TIAM1: variants seen among roughly 807,000 people sequenced by gnomAD.
The protein encoded by TIAM1 is TIAM Rac1 associated GEF 1, also known as rho guanine nucleotide exchange factor TIAM1.
TIAM1 carries 65 observed loss-of-function variants against 163.5 expected under a neutral mutation model. That is an observed-to-expected ratio of 0.40 (90% CI 0.33 to 0.49). The LOEUF is 0.49. Among genes scored for constraint, TIAM1 ranks in the 20% least tolerant of loss-of-function variants. The pLI is 0.77. For missense variants in TIAM1, 1,789 were observed against 2,044.7 expected (o/e 0.87, Z 2.41); for synonymous variants, 833 against 810.1 (o/e 1.03, Z -0.48).
chr21:31,412,809 G>A (rs964333019), intron 2 of TIAM1, among the ~76,000 whole-genome samples: 6 of 139,032 alleles, frequency 4.3e-5, no homozygotes, highest in Non-Finnish European at 6.1e-5. Flanking sequence ...AAAAAAAAAA[G>A]GGAGCACGCA....
chr21:31,392,530 A>G (rs995458795), intron 2 of TIAM1, among the ~76,000 whole-genome samples: 3 of 147,384 alleles, frequency 2.0e-5, no homozygotes, highest in Non-Finnish European at 4.4e-5. Flanking sequence ...AGATCGCGCC[A>G]TCGCACTCCA....
intron 2 of TIAM1, among the ~76,000 whole-genome samples, chr21:31,291,371 C>T (rs1032775145): frequency 2.6e-5 from 4 of 152,174 alleles, no homozygotes; most frequent in Admixed American, 2.0e-4. Context: ...CTCTGGCCAG[C>T]TTCCAATCCA....
chr21:31,447,761 T>C (rs1004838346), intron 2 of TIAM1, among the ~76,000 whole-genome samples: 7 of 152,182 alleles, frequency 4.6e-5, no homozygotes, highest in African/African-American at 1.4e-4. Flanking sequence ...GTTCTCATGA[T>C]AAACAGAATC....
chr21:31,343,458 G>C (rs763520529), intron 1 of TIAM1, among the ~76,000 whole-genome samples: 1 of 152,072 alleles, frequency 6.6e-6, no homozygotes, highest in African/African-American at 2.4e-5. Context: ...CGATCCAAAG[G>C]TAAGCTAGCT....
chr21:31,508,516 G>A (rs1388615535), intron 1 of TIAM1, among the ~76,000 whole-genome samples: 1 of 151,476 alleles, frequency 6.6e-6, no homozygotes, highest in East Asian at 2.0e-4. Context: ...AGCCTCCTAA[G>A]TAGCTGGGAT....
intron 1 of TIAM1, among the ~76,000 whole-genome samples, chr21:31,546,453 G>A (rs1361840054): frequency 1.3e-5 from 2 of 152,082 alleles, no homozygotes; most frequent in Admixed American, 1.3e-4. Flanking sequence ...AGGAGGCTGA[G>A]GAAGGAGAAT....
At chr21:31,220,913 C>T (rs1329170305) in intron 8 of TIAM1, among the ~76,000 whole-genome samples, 2 of 152,094 alleles carry the variant, frequency 1.3e-5, no homozygotes, top group Non-Finnish European at 2.9e-5. Context: ...ACAGCGAGGA[C>T]CCTTCAGTTA....
intron 2 of TIAM1, among the ~76,000 whole-genome samples, chr21:31,331,628 A>T (rs1040389594): frequency 6.6e-6 from 1 of 152,208 alleles, no homozygotes; most frequent in African/African-American, 2.4e-5. Context: ...CTTCCATTGG[A>T]CAGCACTACT....
At chr21:31,369,192 C>G (rs1016777360) in intron 2 of TIAM1, among the ~76,000 whole-genome samples, 1 of 138,452 alleles carries the variant, frequency 7.2e-6, no homozygotes, top group Non-Finnish European at 1.5e-5. Context: ...TGCCACTGCA[C>G]TCCAGCCTGG....
chr21:31,294,680 G>A (rs994292381), intron 2 of TIAM1, among the ~76,000 whole-genome samples: 1 of 152,186 alleles, frequency 6.6e-6, no homozygotes, highest in Non-Finnish European at 1.5e-5. Context: ...CATTAATGTA[G>A]AGATTTATTT....
chr21:31,125,526 T>G (rs1315985379), intron 26 of TIAM1, among the ~76,000 whole-genome samples: 4 of 152,242 alleles, frequency 2.6e-5, no homozygotes, highest in Admixed American at 2.6e-4. Flanking sequence ...AGAGATCTGA[T>G]GTAGCAACAC....
At chr21:31,136,174 A>C in intron 22 of TIAM1, 133 bp from the exon 23 acceptor site, 1 of 729,714 alleles carries the variant, frequency 1.4e-6, no homozygotes, top group Non-Finnish European at 2.2e-6. Context: ...CATTTGCTTA[A>C]ATATGTGAGA....
chr21:31,453,483 C>T (rs777912324), intron 2 of TIAM1, among the ~76,000 whole-genome samples: 5 of 151,856 alleles, frequency 3.3e-5, no homozygotes, highest in East Asian at 3.9e-4. Context: ...GACCCGAGCT[C>T]GGGAGTTCGA....
At chr21:31,501,016 G>C (rs1045569551) in intron 1 of TIAM1, among the ~76,000 whole-genome samples, 3 of 152,146 alleles carry the variant, frequency 2.0e-5, no homozygotes, top group Middle Eastern at 3.2e-3. Flanking sequence ...TTCAGGAAAG[G>C]CTATCTTTGC....
intron 14 of TIAM1, among the ~76,000 whole-genome samples, chr21:31,183,585 T>A (rs1316694352): frequency 1.3e-5 from 2 of 152,166 alleles, no homozygotes; most frequent in Non-Finnish European, 2.9e-5. Context: ...CCCTCGGGCA[T>A]CCCACTCAGA....
intron 15 of TIAM1, among the ~76,000 whole-genome samples, chr21:31,169,064 C>A (rs559027697): frequency 6.6e-6 from 1 of 152,066 alleles, no homozygotes; most frequent in Non-Finnish European, 1.5e-5. Flanking sequence ...GAGGCTGAGG[C>A]GGGTGGATCA....
At position 31,425,117 on chromosome 21, in the gene TIAM1, C is replaced by T. The variant is rs115829668; in HGVS notation, c.-369+38866G>A. ...GATGGTGAATTTTATATTATTTTAC[C>T]GTAATTAAAAATAAACAATTTTTTT... On this transcript the variant is annotated intron_variant, in intron 2 of 28. Coordinates refer to the TIAM1 transcript ENST00000286827. 9.8e-3 allele frequency among the ~76,000 whole-genome samples: 1,485 copies of T among 151,996 alleles called. 20 individuals carry two copies. The highest frequency in any genetic ancestry group is 0.034 in the African/African-American group (1,408 of 41,480).
intron 2 of TIAM1, among the ~76,000 whole-genome samples, chr21:31,288,727 A>C (rs934906932): frequency 6.6e-6 from 1 of 152,178 alleles, no homozygotes; most frequent in Non-Finnish European, 1.5e-5. Flanking sequence ...ACACACAAAA[A>C]CAAAACCAAA....
At chr21:31,410,393 C>T (rs911612547) in intron 2 of TIAM1, among the ~76,000 whole-genome samples, 1 of 149,934 alleles carries the variant, frequency 6.7e-6, no homozygotes, top group Non-Finnish European at 1.5e-5. Context: ...TGTGACGGTA[C>T]GTAAATGAGA....
Sources: gnomAD v4.1 joint callset for allele counts (sites outside exome capture counted in the v4.1 genomes callset) on GRCh38, gnomAD v4.1.1 for gene constraint, MANE v1.5 for transcripts, NCBI Gene and HGNC (gene_info 2026-07-23, HGNC 2026-07-21) for gene names.